PDE4D: variants seen among roughly 807,000 people sequenced by gnomAD.
PDE4D encodes 3',5'-cyclic-AMP phosphodiesterase 4D.
PDE4D carries 24 observed loss-of-function variants against 87.4 expected under a neutral mutation model. The observed-to-expected ratio is 0.27, with a 90% CI of 0.20 to 0.39. The LOEUF (loss-of-function observed/expected upper bound fraction) is 0.39. Among genes scored for constraint, PDE4D ranks in the 10% least tolerant of loss-of-function variants. The pLI is 1.00. For synonymous variants in PDE4D, 384 were observed against 383.2 expected (o/e 1.00, Z -0.02); for missense variants, 714 against 1,041.0 (o/e 0.69, Z 4.32).
chr5:59,514,690 G>A (rs753015508), intron 1 of PDE4D, among the ~76,000 whole-genome samples: 2 of 152,024 alleles, frequency 1.3e-5, no homozygotes, highest in Admixed American at 6.6e-5. Flanking sequence ...AAAAACCAAC[G>A]AATTTTATCA....
intron 2 of PDE4D, among the ~76,000 whole-genome samples, chr5:60,097,268 T>C (rs1313734421): frequency 1.4e-5 from 2 of 143,094 alleles, no homozygotes; most frequent in African/African-American, 5.7e-5. Flanking sequence ...TATGAAGTTG[T>C]GTGTGTGTGT....
At chr5:59,036,047 G>C (rs751570739) in intron 6 of PDE4D, among the ~76,000 whole-genome samples, 1 of 152,126 alleles carries the variant, frequency 6.6e-6, no homozygotes, top group Non-Finnish European at 1.5e-5. Context: ...AATACAGCTA[G>C]TTGCTCCTAG....
chr5:59,740,463 A>C (rs530766684), intron 1 of PDE4D, among the ~76,000 whole-genome samples: 13 of 152,312 alleles, frequency 8.5e-5, no homozygotes, highest in African/African-American at 3.1e-4. Flanking sequence ...AAAAACTTTT[A>C]AGTTCTTAAC....
intron 1 of PDE4D, among the ~76,000 whole-genome samples, chr5:59,312,069 C>T (rs1772783172): frequency 6.6e-6 from 1 of 152,132 alleles, no homozygotes; most frequent in Non-Finnish European, 1.5e-5. Context: ...TGGAATTGGC[C>T]CCACTTTACA....
chr5:60,203,127 A>G (rs537079622), intron 1 of PDE4D, among the ~76,000 whole-genome samples: 4 of 152,164 alleles, frequency 2.6e-5, no homozygotes, highest in East Asian at 3.9e-4. Context: ...ACCCACCACT[A>G]CGCTCGACTA....
intron 5 of PDE4D, among the ~76,000 whole-genome samples, chr5:59,106,409 T>C (rs1422538198): frequency 4.6e-5 from 7 of 152,166 alleles, no homozygotes. Context: ...TATAAACTGG[T>C]TGAAATGTAT....
chr5:59,248,503 A>C (rs993196056), intron 1 of PDE4D, among the ~76,000 whole-genome samples: 1 of 152,004 alleles, frequency 6.6e-6, no homozygotes, highest in African/African-American at 2.4e-5. Context: ...TGCTACTGTA[A>C]TTAAATAATC....
At chr5:59,961,626 CAATA>C (rs1437896014) in intron 3 of PDE4D, among the ~76,000 whole-genome samples, 1 of 151,808 alleles carries the variant, frequency 6.6e-6, no homozygotes, top group Non-Finnish European at 1.5e-5. Context: ...GAGAGATAAA[CAATA>C]AATAAATAAA....
At chr5:59,323,595 A>G (rs1355591103) in intron 1 of PDE4D, among the ~76,000 whole-genome samples, 2 of 151,994 alleles carry the variant, frequency 1.3e-5, no homozygotes, top group Non-Finnish European at 2.9e-5. Context: ...TCTCTTACCT[A>G]TTAACCAAGT....
chr5:60,279,527 C>A (rs145025508), intron 1 of PDE4D, among the ~76,000 whole-genome samples: 1 of 152,006 alleles, frequency 6.6e-6, no homozygotes. Flanking sequence ...GTCCACAATG[C>A]TTTTTCTGTT....
intron 2 of PDE4D, chr5:59,193,895 C>T (rs944509323): frequency 2.3e-6 from 1 of 440,836 alleles, no homozygotes; most frequent in Non-Finnish European, 3.0e-6. Flanking sequence ...GTGGAAGGAA[C>T]CAGCAATGCA....
intron 1 of PDE4D, among the ~76,000 whole-genome samples, chr5:59,552,025 A>AGTCTCAAACTAG (rs1246532382): frequency 6.6e-6 from 1 of 152,038 alleles, no homozygotes; most frequent in African/African-American, 2.4e-5. Flanking sequence ...AGACCAGCCT[A>AGTCTCAAACTAG]GGGAACACAG....
chr5:59,057,928 T>C (rs533624981), intron 5 of PDE4D, among the ~76,000 whole-genome samples: 150 of 152,288 alleles, frequency 9.8e-4, no homozygotes, highest in African/African-American at 3.4e-3. Flanking sequence ...CTTGTAGAGA[T>C]AGAGACTGGC....
chr5:60,233,853 T>C (rs1053459808), intron 1 of PDE4D, among the ~76,000 whole-genome samples: 2 of 151,854 alleles, frequency 1.3e-5, no homozygotes, highest in African/African-American at 4.8e-5. Context: ...ACAACTGTTA[T>C]GGTGAGGTTG....
intron 1 of PDE4D, among the ~76,000 whole-genome samples, chr5:60,512,724 A>G (rs1750630405): frequency 6.6e-6 from 1 of 152,226 alleles, no homozygotes; most frequent in Non-Finnish European, 1.5e-5. Flanking sequence ...CAGAAAAATA[A>G]AAGCTGAGAG....
intron 1 of PDE4D, among the ~76,000 whole-genome samples, chr5:59,530,188 C>T (rs1813942733): frequency 6.6e-6 from 1 of 152,126 alleles, no homozygotes; most frequent in Non-Finnish European, 1.5e-5. Context: ...CATTTCTTTG[C>T]TTTATATATT....
intron 1 of PDE4D, among the ~76,000 whole-genome samples, chr5:59,343,834 A>C (rs1392227993): frequency 6.6e-6 from 1 of 152,158 alleles, no homozygotes; most frequent in Non-Finnish European, 1.5e-5. Flanking sequence ...CATGAAGTTA[A>C]GGTAACTTGT....
intron 1 of PDE4D, among the ~76,000 whole-genome samples, chr5:59,550,390 T>A (rs1817917748): frequency 6.6e-6 from 1 of 152,162 alleles, no homozygotes; most frequent in Admixed American, 6.5e-5. Flanking sequence ...TAGGATAAAT[T>A]CTTCAAAGTA....
intron 3 of PDE4D, among the ~76,000 whole-genome samples, chr5:59,189,686 T>C (rs1258579850): frequency 6.6e-6 from 1 of 152,132 alleles, no homozygotes; most frequent in Non-Finnish European, 1.5e-5. Flanking sequence ...AGTTGCCGCG[T>C]GCACTCCAGT....
Sources: allele counts gnomAD v4.1 joint callset (sites outside exome capture counted in the v4.1 genomes callset), GRCh38; gene constraint gnomAD v4.1.1; transcripts MANE v1.5; gene names NCBI Gene and HGNC (gene_info 2026-07-23, HGNC 2026-07-21).